The following MGAM variants were observed in gnomAD, a reference collection of about 807,000 sequenced individuals.
MGAM encodes the protein alpha-1,4-glucosidase.
In MGAM, 253 loss-of-function variants were observed where a neutral mutation model predicts 358.8. The observed-to-expected ratio is 0.71, with a 90% CI of 0.64 to 0.78. MGAM has a LOEUF of 0.78. Ranked by LOEUF, MGAM falls within the 30% of genes least tolerant of loss-of-function variation. The pLI is 0.00. For synonymous variants in MGAM, 1,105 were observed against 1,227.1 expected, an observed-to-expected ratio of 0.90 and a Z score of 2.08; for missense variants, 3,080 against 3,432.6, an observed-to-expected ratio of 0.90 and a Z score of 2.57.
Position 142,032,845 on chromosome 7 carries a change from C to T in MGAM, c.1605C>T (p.Asn535=). 6.2e-7 allele frequency: 1 copy of T among 1,609,884 alleles called. No homozygotes were observed. Among genetic ancestry groups the T allele is most frequent in the Non-Finnish European group, 8.5e-7 (1 of 1,177,936 alleles). ...TGTAGGATATGAATGAAGTCTCCAA[C>T]TTTGTTGATGGTTCGGTCTCAGGAT... ...GIWIDMNEVS[N]FVDGSVSGCS... The change falls in exon 14 of 71, where the codon AAC becomes AAT. Residue 535 remains asparagine (N), a synonymous_variant. Coordinates refer to ENST00000475668, the MANE Select transcript of MGAM (RefSeq NM_001365693.1).
intron 3 of MGAM, among the ~76,000 whole-genome samples, chr7:142,013,027 G>A (rs56293621): frequency 0.011 from 1,700 of 152,198 alleles, 28 homozygotes; most frequent in African/African-American, 0.037. Context: ...GTCTCAGGGC[G>A]GCCCAGCTTC....
chr7:142,013,067 G>A (rs1554454876), intron 3 of MGAM, among the ~76,000 whole-genome samples: 1 of 152,094 alleles, frequency 6.6e-6, no homozygotes, highest in Non-Finnish European at 1.5e-5. Flanking sequence ...TCCACCTCTT[G>A]ACACAAAGTG....
At chr7:141,993,612 T>C (rs1804036683), upstream of MGAM, among the ~76,000 whole-genome samples, 1 of 152,220 alleles carries the variant, frequency 6.6e-6, no homozygotes, top group Non-Finnish European at 1.5e-5. Context: ...CTGGGGTTTG[T>C]AGATATAATT....
chr7:142,004,005 T>C (rs556991496), intron 1 of MGAM, among the ~76,000 whole-genome samples: 11 of 151,858 alleles, frequency 7.2e-5, no homozygotes, highest in Admixed American at 3.9e-4. Context: ...TATCTTACAC[T>C]GGTCAGAATG....
rs1281489849 is a variant in MGAM at position 142,083,720 on chromosome 7, G to A, written c.6381+307G>A. Among the ~76,000 whole-genome samples, 10 of 143,544 alleles carry A rather than the reference G, an allele frequency of 7.0e-5. 2 individuals carry two copies. The highest frequency in any genetic ancestry group is 1.4e-4 in the Admixed American group (2 of 14,300). The allele number at this position is 143,544 out of a possible 152,430, so 94.2% of individuals were successfully genotyped here. A position where few individuals can be genotyped will look rare whatever the true frequency, so the allele number is the denominator to read the frequency against. The stretch of plus-strand genomic sequence containing the variant: ...GTGATGATGGTGGTAGGGGATGATG[G>A]TGGTGATAGTGATGTGGGAATGGTG... On this transcript the variant is annotated intron_variant, in intron 53 of 70. Transcript: ENST00000475668.
chr7:142,095,872 A>C (rs1427762551), intron 64 of MGAM, 159 bp downstream of exon 64: 3 of 1,106,440 alleles, frequency 2.7e-6, no homozygotes, highest in Non-Finnish European at 3.9e-6. Flanking sequence ...AGTGCTATAC[A>C]TGCCTTAGGT....
At position 142,092,523 on chromosome 7, in the gene MGAM, T is replaced by C. The variant is rs1232419665; in HGVS notation, c.6948T>C (p.Asp2316=). The change falls in exon 59 of 71, where the codon GAT becomes GAC. Residue 2316 remains aspartate, a splice_region_variant and synonymous_variant. Transcript: ENST00000475668. ...RSLKFDGMWI[D]MNEPSSFVNG... ...ATGTCTGTGTTTGGCATTTCTAGGA[T>C]ATGAATGAACCATCAAGCTTCGTGA... The C allele has an allele frequency of 1.3e-6, 2 of 1,545,960 alleles. No individual in the cohort carries two copies. Among genetic ancestry groups the C allele is most frequent in the East Asian group, 2.3e-5 (1 of 43,628 alleles).
At chr7:142,006,339 G>A (rs1161294440) in intron 2 of MGAM, among the ~76,000 whole-genome samples, 1 of 152,094 alleles carries the variant, frequency 6.6e-6, no homozygotes, top group Non-Finnish European at 1.5e-5. Context: ...ATTAGCAGGA[G>A]CTTTGTGGTG....
rs190934630 is a variant in MGAM, at chr7:142,096,650, C to T, written c.7692+235C>T. On this transcript the variant is annotated intron_variant, in intron 65 of 70. Coordinates refer to ENST00000475668, the MANE Select transcript of MGAM (RefSeq NM_001365693.1). Reference sequence around the variant, plus strand: ...TCATAGGATGATCAAGAAGAAAACACCTCATGGTATATTCAATGACACAAT... The same window carrying T: ...TCATAGGATGATCAAGAAGAAAACATCTCATGGTATATTCAATGACACAAT... 1.6e-3 allele frequency among the ~76,000 whole-genome samples: 238 copies of T among 152,288 alleles called. 1 individual carries two copies. Among genetic ancestry groups the T allele is most frequent in the African/African-American group, 5.7e-3 (236 of 41,558 alleles).
At chr7:142,013,092 G>C (rs1323404820) in intron 3 of MGAM, among the ~76,000 whole-genome samples, 3 of 152,112 alleles carry the variant, frequency 2.0e-5, no homozygotes, top group Non-Finnish European at 2.9e-5. Context: ...AAGAGAACTT[G>C]ATGGCCATTT....
chr7:142,097,180 G>A (rs1028099907), intron 65 of MGAM, among the ~76,000 whole-genome samples: 22 of 151,776 alleles, frequency 1.4e-4, no homozygotes, highest in Admixed American at 3.9e-4. Flanking sequence ...CTCATGATCC[G>A]CCTGACTCGG....
intron 57 of MGAM, among the ~76,000 whole-genome samples, chr7:142,088,822 C>CATCTATCT (rs71166559): frequency 0.11 from 13,307 of 124,462 alleles, 1,650 homozygotes; most frequent in Admixed American, 0.15. Flanking sequence ...ATCTATGTAC[C>CATCTATCT]ATCTATCTAT....
chr7:142,094,192 C>T (rs75833156), intron 60 of MGAM, among the ~76,000 whole-genome samples, 172 bp from the exon 61 acceptor site: 5,180 of 146,054 alleles, frequency 0.035, 803 homozygotes, highest in Middle Eastern at 0.11. Flanking sequence ...ACACGTGACT[C>T]GTTATCTCCA....
At chr7:141,998,516 C>T (rs1356379278) in intron 1 of MGAM, among the ~76,000 whole-genome samples, 1 of 152,168 alleles carries the variant, frequency 6.6e-6, no homozygotes, top group African/African-American at 2.4e-5. Flanking sequence ...GTTTGGTTTT[C>T]TGTTCCTGTG....
At chr7:142,058,751 C>A (rs1238554897) in intron 31 of MGAM, among the ~76,000 whole-genome samples, 1 of 152,248 alleles carries the variant, frequency 6.6e-6, no homozygotes, top group Non-Finnish European at 1.5e-5. Context: ...GTTCCTGCAT[C>A]AGCTCTGAGC....
intron 25 of MGAM, 97 bp downstream of exon 25, chr7:142,052,543 C>A: frequency 6.7e-7 from 1 of 1,491,412 alleles, no homozygotes; most frequent in Non-Finnish European, 9.0e-7. Flanking sequence ...TACTTAAAAT[C>A]CATAGAAAGA....
chr7:141,990,160 A>G (rs782330225), intron 2 of MGAM, among the ~76,000 whole-genome samples: 1 of 152,208 alleles, frequency 6.6e-6, no homozygotes, highest in African/African-American at 2.4e-5. Context: ...AGAGCAATAT[A>G]TTCTTGAATG....
rs377578091 is a variant in MGAM, at chr7:142,025,091, C to T, written c.924C>T (p.Cys308=). 82 of 1,613,546 alleles carry T rather than the reference C, an allele frequency of 5.1e-5. No individual in the cohort carries two copies. Among genetic ancestry groups the T allele is most frequent in the Middle Eastern group, 4.9e-4 (3 of 6,082 alleles). ...NLYGAQTFFL[C]LEDASGLSFG... ...ATGGTGCGCAGACATTCTTCTTGTGCCTTGAAGATGCTAGTGGATTGTCCT... is the reference window on the plus strand; with the variant it reads ...ATGGTGCGCAGACATTCTTCTTGTGTCTTGAAGATGCTAGTGGATTGTCCT... The change falls in exon 8 of 71, where the codon TGC becomes TGT. Residue 308 remains cysteine (C), a synonymous_variant. Coordinates refer to ENST00000475668, the MANE Select transcript of MGAM (RefSeq NM_001365693.1).
In MGAM at chr7:142,065,339, G is replaced by A. The variant is rs201533344; in HGVS notation, c.4489G>A (p.Val1497Met). ...WSQTRPTYEA[V>M]QEVTGQRGVV... Reference sequence around the variant, plus strand: ...CTCCTGTTCCCTTCCAAGCAGAGCCGTGCAGGAGGTGACGGGACAGCGAGG... The same window carrying A: ...CTCCTGTTCCCTTCCAAGCAGAGCCATGCAGGAGGTGACGGGACAGCGAGG... The change falls in exon 38 of 71, where the codon GTG becomes ATG. Residue 1497 changes from valine to methionine, a missense_variant. Transcript: ENST00000475668. 6.2e-5 allele frequency: 100 copies of A among 1,608,316 alleles called. No individual in the cohort carries two copies. Among genetic ancestry groups the A allele is most frequent in the South Asian group, 6.1e-4 (55 of 89,784 alleles).
Sources: allele counts gnomAD v4.1 joint callset (sites outside exome capture counted in the v4.1 genomes callset), GRCh38; gene constraint gnomAD v4.1.1; transcripts MANE v1.5; gene names NCBI Gene and HGNC (gene_info 2026-07-23, HGNC 2026-07-21).